TRMT11: variants seen among roughly 807,000 people sequenced by gnomAD.
TRMT11 encodes tRNA methyltransferase 11.
In TRMT11, 53 loss-of-function variants were observed where a neutral mutation model predicts 62.8. The ratio of observed to expected loss-of-function variants is 0.84; its 90% CI spans 0.68 to 1.06. The LOEUF is 1.06. Ranked by LOEUF, TRMT11 falls within the 50% of genes least tolerant of loss-of-function variation. The pLI is 0.00. For missense variants in TRMT11, 556 were observed against 553.4 expected, an observed-to-expected ratio of 1.00 and a Z score of -0.05; for synonymous variants, 188 against 190.3, an observed-to-expected ratio of 0.99 and a Z score of 0.10.
At chr6:126,249,818 C>T in the TRMT11 span, among the ~76,000 whole-genome samples, 64 of 151,976 alleles carry the variant, frequency 4.2e-4, no homozygotes, top group Admixed American at 6.6e-5. Flanking sequence ...ATGGATATAA[C>T]CACCAAAAGA....
chr6:126,088,057 T>C (rs1236181051), intron 17 of TRMT11, among the ~76,000 whole-genome samples: 1 of 152,084 alleles, frequency 6.6e-6, no homozygotes, highest in Non-Finnish European at 1.5e-5. Flanking sequence ...AAAAAATTAT[T>C]TAATGACCAT....
chr6:126,115,694 C>T (rs1251769335), intron 20 of TRMT11, among the ~76,000 whole-genome samples: 1 of 152,112 alleles, frequency 6.6e-6, no homozygotes, highest in Non-Finnish European at 1.5e-5. Context: ...ATTTCAAAAG[C>T]ACCTTTCTGT....
intron 21 of TRMT11, among the ~76,000 whole-genome samples, chr6:126,124,918 A>C (rs184044993): frequency 5.9e-5 from 9 of 152,088 alleles, no homozygotes; most frequent in Admixed American, 1.3e-4. Context: ...CTCAGATGCA[A>C]ATCTCTTTAG....
chr6:126,091,414 C>A (rs1434450968), intron 17 of TRMT11, among the ~76,000 whole-genome samples: 1 of 152,146 alleles, frequency 6.6e-6, no homozygotes, highest in Non-Finnish European at 1.5e-5. Flanking sequence ...TGTAGCCAAT[C>A]CAGCTGTTTC....
At chr6:126,170,111 T>C (rs990288350) in intron 21 of TRMT11, among the ~76,000 whole-genome samples, 6 of 152,086 alleles carry the variant, frequency 3.9e-5, no homozygotes, top group African/African-American at 1.4e-4. Flanking sequence ...CTACTTTTAT[T>C]CTTATTTTCC....
intron 8 of TRMT11, among the ~76,000 whole-genome samples, chr6:126,009,594 T>C (rs1793881786): frequency 6.6e-6 from 1 of 152,142 alleles, no homozygotes; most frequent in Non-Finnish European, 1.5e-5. Flanking sequence ...TATTTTCTTT[T>C]GTGGAAGTAA....
chr6:126,030,313 A>G (rs1773958236), intron 12 of TRMT11, among the ~76,000 whole-genome samples: 2 of 152,152 alleles, frequency 1.3e-5, no homozygotes, highest in Non-Finnish European at 2.9e-5. Flanking sequence ...AAAGCTGGAC[A>G]TGGGTAATTA....
At chr6:126,236,674 G>A in the TRMT11 span, among the ~76,000 whole-genome samples, 1 of 152,074 alleles carries the variant, frequency 6.6e-6, no homozygotes, top group Non-Finnish European at 1.5e-5. Flanking sequence ...TTCTCTTTAT[G>A]TTACAATAGG....
In TRMT11 at chr6:126,155,822, G is replaced by A. The variant is rs564812297; in HGVS notation, c.*1824-19003G>A. Among the ~76,000 whole-genome samples the A allele has an allele frequency of 8.8e-4, 134 of 152,200 alleles. 3 individuals carry two copies. The highest frequency in any genetic ancestry group is 8.6e-3 in the Admixed American group (132 of 15,282). ...TGCAAGCTCTGCCTCCCAGGTTCAC[G>A]CCATTCTCCTGCCTCAGCCTTCCAA... On this transcript the variant is annotated intron_variant and NMD_transcript_variant, in intron 21 of 22. Coordinates refer to the TRMT11 transcript ENST00000648977.
chr6:126,199,916 A>G (rs1001167902), intron 3 of TRMT11: 1 of 152,248 alleles, frequency 6.6e-6, no homozygotes, highest in African/African-American at 2.4e-5. Context: ...GATCTAACTT[A>G]ACATTTTTCA....
chr6:125,995,896 A>C, intron 2 of TRMT11, 71 bp from the exon 3 acceptor site: 1 of 901,604 alleles, frequency 1.1e-6, no homozygotes, highest in South Asian at 1.3e-5. Flanking sequence ...CTCCTTATTG[A>C]CTTCTTGAAT....
the TRMT11 span, among the ~76,000 whole-genome samples, chr6:126,231,504 C>G: frequency 6.6e-6 from 1 of 152,128 alleles, no homozygotes; most frequent in African/African-American, 2.4e-5. Flanking sequence ...CTAAAGCTTC[C>G]GGTCAACAGT....
At chr6:126,267,167 T>A in the TRMT11 span, among the ~76,000 whole-genome samples, 3 of 152,334 alleles carry the variant, frequency 2.0e-5, no homozygotes, top group South Asian at 6.2e-4. Flanking sequence ...CTTGGGTAAG[T>A]CACTTACCTA....
chr6:126,068,080 T>C (rs1024210329), intron 17 of TRMT11, among the ~76,000 whole-genome samples: 8 of 152,188 alleles, frequency 5.3e-5, no homozygotes, highest in African/African-American at 1.9e-4. Flanking sequence ...TCTTCCCATG[T>C]GTATAGATCA....
downstream of TRMT11, chr6:126,202,364 G>T (rs1778742178): frequency 6.6e-6 from 1 of 152,164 alleles, no homozygotes; most frequent in Non-Finnish European, 1.5e-5. Flanking sequence ...AACTCAATGG[G>T]TTAGTCAGAA....
intron 1 of TRMT11, among the ~76,000 whole-genome samples, chr6:126,192,406 T>C (rs1778614042): frequency 6.6e-6 from 1 of 152,164 alleles, no homozygotes; most frequent in Admixed American, 6.5e-5. Flanking sequence ...TTTGACTTCT[T>C]TCTTTCCCAT....
the TRMT11 span, among the ~76,000 whole-genome samples, chr6:126,228,380 T>A: frequency 6.6e-6 from 1 of 152,162 alleles, no homozygotes; most frequent in African/African-American, 2.4e-5. Flanking sequence ...TTAATAAAAG[T>A]TCCTGAGATG....
the TRMT11 span, among the ~76,000 whole-genome samples, chr6:126,224,455 G>C: frequency 3.2e-4 from 49 of 152,250 alleles, no homozygotes; most frequent in African/African-American, 1.2e-3. Context: ...CTCTAATGCC[G>C]GGGGGCTGGG....
intron 12 of TRMT11, among the ~76,000 whole-genome samples, chr6:126,036,678 C>G (rs1345594829): frequency 6.6e-6 from 1 of 152,124 alleles, no homozygotes; most frequent in Non-Finnish European, 1.5e-5. Context: ...GAAAAACATT[C>G]TGCCAGGATT....
Sources: gnomAD v4.1 joint callset for allele counts (sites outside exome capture counted in the v4.1 genomes callset) on GRCh38, gnomAD v4.1.1 for gene constraint, MANE v1.5 for transcripts, NCBI Gene and HGNC (gene_info 2026-07-23, HGNC 2026-07-21) for gene names.